The following KAZN variants were observed in gnomAD, a reference collection of about 807,000 sequenced individuals.
KAZN encodes the protein kazrin, periplakin interacting protein.
Under a neutral mutation model 87.4 loss-of-function variants are expected in KAZN, and 40 were observed. The observed-to-expected ratio is 0.46, with a 90% CI of 0.36 to 0.60. The LOEUF is 0.60. KAZN is among the 20% of genes least tolerant of loss of function. The probability of loss-of-function intolerance (pLI) is 0.00; values close to 1 mark genes in which losing one functional copy is unlikely to be tolerated. For missense variants in KAZN, 898 were observed against 1,073.9 expected (o/e 0.84, Z 2.29); for synonymous variants, 466 against 458.3 (o/e 1.02, Z -0.22).
chr1:14,416,474 T>A (rs12060778), intron 2 of KAZN, among the ~76,000 whole-genome samples: 10,821 of 152,266 alleles, frequency 0.071, 485 homozygotes, highest in African/African-American at 0.11. Flanking sequence ...CAGTGGCTCA[T>A]GCCTATAATT....
At chr1:14,963,036 G>C (rs1664070740) in intron 2 of KAZN, among the ~76,000 whole-genome samples, 1 of 152,154 alleles carries the variant, frequency 6.6e-6, no homozygotes, top group Admixed American at 6.5e-5. Flanking sequence ...GTCTGGAAAG[G>C]TGATAGTTAG....
chr1:14,836,304 G>C (rs1025151020), intron 1 of KAZN, among the ~76,000 whole-genome samples: 1 of 152,136 alleles, frequency 6.6e-6, no homozygotes, highest in African/African-American at 2.4e-5. Flanking sequence ...CCAAGCCCCA[G>C]ATTTTAAGCC....
intron 1 of KAZN, among the ~76,000 whole-genome samples, chr1:14,090,633 A>G (rs548655484): frequency 2.0e-5 from 3 of 152,292 alleles, no homozygotes; most frequent in African/African-American, 7.2e-5. Context: ...ATTTGCCTCT[A>G]TTACTGTGAC....
chr1:14,888,000 T>C (rs1159016462), intron 1 of KAZN, among the ~76,000 whole-genome samples: 1 of 151,812 alleles, frequency 6.6e-6, no homozygotes, highest in Non-Finnish European at 1.5e-5. Context: ...TGGCACCAAA[T>C]GAGCCTCTTG....
intron 1 of KAZN, among the ~76,000 whole-genome samples, chr1:14,921,619 C>A (rs1409625294): frequency 2.6e-5 from 4 of 152,218 alleles, no homozygotes; most frequent in Non-Finnish European, 5.9e-5. Flanking sequence ...TCCCCACCAG[C>A]CTAATGTCTC....
intron 2 of KAZN, among the ~76,000 whole-genome samples, chr1:14,979,446 C>A (rs1311295514): frequency 6.6e-6 from 1 of 152,028 alleles, no homozygotes; most frequent in Non-Finnish European, 1.5e-5. Flanking sequence ...ATAAAGTGAG[C>A]CCAGCATGCT....
chr1:15,048,154 C>T (rs1301075630), intron 4 of KAZN, among the ~76,000 whole-genome samples: 1 of 152,232 alleles, frequency 6.6e-6, no homozygotes, highest in African/African-American at 2.4e-5. Flanking sequence ...CCCCCATGTC[C>T]TGAGGAGCCA....
rs982629156 is a variant in KAZN at position 14,296,453 on chromosome 1, G to T, written c.249+115861G>T. 3.3e-5 allele frequency among the ~76,000 whole-genome samples: 5 copies of T among 152,224 alleles called. No homozygotes were observed. In the South Asian group the frequency reaches 1.0e-3, roughly 32 times the overall value. On this transcript the variant is annotated intron_variant, in intron 2 of 16. Transcript: ENST00000636203. ...GCCTCAGTACATTTCTCATGGGCCT[G>T]TTACTGCCCACACTGTGACGAGCTC...
chr1:14,731,485 C>T (rs1316824100), intron 1 of KAZN, among the ~76,000 whole-genome samples: 1 of 152,206 alleles, frequency 6.6e-6, no homozygotes, highest in Admixed American at 6.5e-5. Flanking sequence ...CCCCTCCTCT[C>T]TTTTTCTCCC....
chr1:14,373,340 T>G (rs1322408272), intron 2 of KAZN, among the ~76,000 whole-genome samples: 1 of 152,138 alleles, frequency 6.6e-6, no homozygotes, highest in Non-Finnish European at 1.5e-5. Flanking sequence ...AATTCCAGTC[T>G]AAGTCCAAAG....
intron 1 of KAZN, among the ~76,000 whole-genome samples, chr1:14,738,050 A>C (rs1014355533): frequency 6.6e-6 from 1 of 152,132 alleles, no homozygotes; most frequent in Non-Finnish European, 1.5e-5. Context: ...GGGGGTTTAG[A>C]ATTCTACCTA....
chr1:14,445,853 C>T (rs1012219788), intron 2 of KAZN, among the ~76,000 whole-genome samples: 3 of 151,998 alleles, frequency 2.0e-5, no homozygotes, highest in African/African-American at 7.3e-5. Context: ...CCAGGGTTCC[C>T]GCCAGCAGGG....
At chr1:15,039,750 T>C (rs1014013400) in intron 3 of KAZN, among the ~76,000 whole-genome samples, 2 of 143,410 alleles carry the variant, frequency 1.4e-5, no homozygotes, top group African/African-American at 5.1e-5. Context: ...GAGAGCACCG[T>C]GTCATTTTTT....
At chr1:13,917,078 TTG>T (rs149117464) in intron 1 of KAZN, among the ~76,000 whole-genome samples, 79 of 151,644 alleles carry the variant, frequency 5.2e-4, no homozygotes, top group African/African-American at 1.7e-3. Flanking sequence ...AAGTATGTGT[TTG>T]TGTGTGTGTG....
intron 1 of KAZN, among the ~76,000 whole-genome samples, chr1:14,736,260 T>TGGGTGG (rs1643897208): frequency 1.2e-5 from 1 of 80,594 alleles, no homozygotes; most frequent in Non-Finnish European, 2.5e-5. Flanking sequence ...CAAGGGTGTG[T>TGGGTGG]GTGTGTGTGT....
At chr1:14,245,561 T>C (rs921793012) in intron 2 of KAZN, among the ~76,000 whole-genome samples, 2 of 152,182 alleles carry the variant, frequency 1.3e-5, no homozygotes, top group African/African-American at 2.4e-5. Context: ...TTTGAACATA[T>C]ATCCCTGAGG....
intron 2 of KAZN, among the ~76,000 whole-genome samples, chr1:14,441,262 C>CAT (rs34569698): frequency 0.05 from 7,508 of 149,358 alleles, 245 homozygotes; most frequent in East Asian, 0.17. Context: ...TGAGAATACT[C>CAT]ATATATATAT....
At chr1:14,326,010 C>G (rs1036979000) in intron 2 of KAZN, among the ~76,000 whole-genome samples, 3 of 152,148 alleles carry the variant, frequency 2.0e-5, no homozygotes, top group Non-Finnish European at 1.5e-5. Flanking sequence ...ACCTGTCTGT[C>G]CTGGCTTGAG....
At chr1:15,027,745 T>C (rs553138384) in intron 2 of KAZN, among the ~76,000 whole-genome samples, 3 of 152,290 alleles carry the variant, frequency 2.0e-5, no homozygotes, top group East Asian at 1.9e-4. Context: ...TCTGAGCGCA[T>C]GTTTGTCCAG....
Sources: gnomAD v4.1 joint callset for allele counts (sites outside exome capture counted in the v4.1 genomes callset) on GRCh38, gnomAD v4.1.1 for gene constraint, MANE v1.5 for transcripts, NCBI Gene and HGNC (gene_info 2026-07-23, HGNC 2026-07-21) for gene names.